The following TMC1 variants were observed in gnomAD, a reference collection of about 807,000 sequenced individuals.
The protein encoded by TMC1 is transmembrane channel like 1, also known as transmembrane channel-like protein 1.
TMC1 carries 84 observed loss-of-function variants against 105.8 expected under a neutral mutation model. The observed-to-expected ratio is 0.79, with a 90% CI of 0.67 to 0.95. TMC1 has a LOEUF of 0.95. Among genes scored for constraint, TMC1 ranks in the 40% least tolerant of loss-of-function variants. The pLI is 0.00. For missense variants in TMC1, 817 were observed against 914.1 expected, an observed-to-expected ratio of 0.89 and a Z score of 1.37; for synonymous variants, 315 against 311.5, an observed-to-expected ratio of 1.01 and a Z score of -0.12.
At position 72,631,329 on chromosome 9, in the gene TMC1, T is replaced by C. The variant is rs148084893; in HGVS notation, c.-53+3266T>C. On this transcript the variant is annotated intron_variant, in intron 4 of 23. Coordinates refer to ENST00000297784, the MANE Select transcript of TMC1 (RefSeq NM_138691.3). ...ACAAGAAAAGATGCATTATAGAGTC[T>C]CGTTTTATTTTGTTTTCTGATAAAT... Among the ~76,000 whole-genome samples the C allele has an allele frequency of 2.9e-3, 437 of 152,328 alleles. 2 individuals carry two copies. The highest frequency in any genetic ancestry group is 2.9e-3 in the Non-Finnish European group (200 of 68,038).
intron 4 of TMC1, among the ~76,000 whole-genome samples, chr9:72,641,632 C>A (rs571339495): frequency 1.3e-5 from 2 of 151,566 alleles, no homozygotes; most frequent in South Asian, 4.2e-4. Flanking sequence ...TCCCCAAGGT[C>A]CTGAACAACT....
intron 10 of TMC1, among the ~76,000 whole-genome samples, chr9:72,746,117 T>C (rs1316064690): frequency 6.6e-6 from 1 of 152,236 alleles, no homozygotes; most frequent in Non-Finnish European, 1.5e-5. Flanking sequence ...ACCCTACTTA[T>C]AGAATACATA....
At chr9:72,722,458 C>T (rs1010056692) in intron 8 of TMC1, among the ~76,000 whole-genome samples, 22 of 152,118 alleles carry the variant, frequency 1.4e-4, no homozygotes, top group African/African-American at 1.9e-4. Context: ...TCTCTGCCAA[C>T]GCCCATAGAA....
intron 17 of TMC1, chr9:72,805,155 T>C (rs987200381): frequency 2.6e-6 from 1 of 389,820 alleles, no homozygotes; most frequent in Non-Finnish European, 4.6e-6. Context: ...AATTTCTCAG[T>C]AAGAAGAAAA....
chr9:72,710,641 G>A (rs570903276), intron 8 of TMC1, among the ~76,000 whole-genome samples: 11 of 152,102 alleles, frequency 7.2e-5, no homozygotes, highest in African/African-American at 2.7e-4. Flanking sequence ...AGTTTGTTTT[G>A]TCTGATATAA....
intron 12 of TMC1, among the ~76,000 whole-genome samples, chr9:72,758,550 C>T (rs1827706318): frequency 6.6e-6 from 1 of 152,152 alleles, no homozygotes; most frequent in East Asian, 1.9e-4. Flanking sequence ...GAAGAGGCTG[C>T]CTGAGCACAG....
At chr9:72,658,379 A>G (rs1825915876) in intron 5 of TMC1, among the ~76,000 whole-genome samples, 1 of 151,964 alleles carries the variant, frequency 6.6e-6, no homozygotes, top group South Asian at 2.1e-4. Flanking sequence ...TAAACATTTA[A>G]TCTCTTTCAG....
At chr9:72,641,198 A>T (rs1391018204) in intron 4 of TMC1, among the ~76,000 whole-genome samples, 1 of 152,168 alleles carries the variant, frequency 6.6e-6, no homozygotes, top group Admixed American at 6.5e-5. Context: ...GGTTCAAATG[A>T]TCCTCCTGCC....
intron 7 of TMC1, among the ~76,000 whole-genome samples, chr9:72,700,226 G>A (rs1453630527): frequency 6.6e-6 from 1 of 150,766 alleles, no homozygotes; most frequent in Non-Finnish European, 1.5e-5. Context: ...ACTACAGCCT[G>A]GGTGACAAGA....
intron 1 of TMC1, among the ~76,000 whole-genome samples, chr9:72,538,505 C>T (rs772538644): frequency 6.6e-6 from 1 of 152,010 alleles, no homozygotes; most frequent in Non-Finnish European, 1.5e-5. Flanking sequence ...GGCACGATCT[C>T]GGCTCACTGT....
At chr9:72,819,718 G>T (rs1252587805) in intron 19 of TMC1, among the ~76,000 whole-genome samples, 1 of 152,110 alleles carries the variant, frequency 6.6e-6, no homozygotes, top group Non-Finnish European at 1.5e-5. Context: ...TCTCTATAAT[G>T]AACCAAATTT....
intron 1 of TMC1, among the ~76,000 whole-genome samples, chr9:72,526,908 T>G (rs1315474740): frequency 6.6e-6 from 1 of 152,218 alleles, no homozygotes; most frequent in Admixed American, 6.5e-5. Context: ...GTGGTCCACC[T>G]GCAGAAGCAC....
intron 4 of TMC1, among the ~76,000 whole-genome samples, chr9:72,640,413 G>A (rs1365024953): frequency 6.6e-6 from 1 of 152,144 alleles, no homozygotes; most frequent in Non-Finnish European, 1.5e-5. Flanking sequence ...AAGCTATCCA[G>A]GCATCATCAT....
At chr9:72,678,817 T>A (rs528609281) in intron 5 of TMC1, among the ~76,000 whole-genome samples, 2 of 152,208 alleles carry the variant, frequency 1.3e-5, no homozygotes, top group East Asian at 3.9e-4. Context: ...CTGATTGTAA[T>A]CTTCATGTAA....
rs565149011 is a variant in TMC1, at chr9:72,585,313, G to A, written c.-306+7290G>A. Reference sequence around the variant, plus strand: ...CCACAGGTGCCTGCCACCACGCCCTGCTAATTTTTTGTACTTTTAGTAGAG... The same window carrying A: ...CCACAGGTGCCTGCCACCACGCCCTACTAATTTTTTGTACTTTTAGTAGAG... On this transcript the variant is annotated intron_variant, in intron 2 of 23. Transcript: ENST00000297784. Among the ~76,000 whole-genome samples the A allele has an allele frequency of 7.1e-4, 82 of 114,698 alleles. 2 individuals are homozygous for A. In the Middle Eastern group the frequency reaches 0.013, roughly 18 times the overall value. 75.2% of individuals were successfully genotyped at this position (114,698 alleles called of 152,430 possible).
At chr9:72,725,325 G>GTGTA (rs1346287163) in intron 8 of TMC1, among the ~76,000 whole-genome samples, 2,206 of 77,392 alleles carry the variant, frequency 0.029, 55 homozygotes, top group Non-Finnish European at 0.041. Flanking sequence ...ATGTGTGTAT[G>GTGTA]TATATATATA....
intron 5 of TMC1, among the ~76,000 whole-genome samples, chr9:72,660,448 A>T (rs1475941849): frequency 6.6e-6 from 1 of 152,210 alleles, no homozygotes; most frequent in East Asian, 1.9e-4. Flanking sequence ...TTTGAAAAAA[A>T]TAACCTTTTA....
chr9:72,673,340 A>G (rs1414199874), intron 5 of TMC1, among the ~76,000 whole-genome samples: 1 of 152,158 alleles, frequency 6.6e-6, no homozygotes, highest in African/African-American at 2.4e-5. Flanking sequence ...GAAAGTAAGT[A>G]TTAAAGACCA....
At chr9:72,590,490 T>C (rs1824620111) in intron 2 of TMC1, among the ~76,000 whole-genome samples, 2 of 152,178 alleles carry the variant, frequency 1.3e-5, no homozygotes, top group Non-Finnish European at 2.9e-5. Flanking sequence ...AGCCATACCA[T>C]TTCCTAACTG....
Sources: gnomAD v4.1 joint callset for allele counts (sites outside exome capture counted in the v4.1 genomes callset) on GRCh38, gnomAD v4.1.1 for gene constraint, MANE v1.5 for transcripts, NCBI Gene and HGNC (gene_info 2026-07-23, HGNC 2026-07-21) for gene names.